GTPBP2: variants seen among roughly 807,000 people sequenced by gnomAD.
GTPBP2 encodes GTP-binding protein 2.
In GTPBP2, 32 loss-of-function variants were observed where a neutral mutation model predicts 63.0. The ratio of observed to expected loss-of-function variants is 0.51; its 90% confidence interval spans 0.38 to 0.68. The LOEUF (loss-of-function observed/expected upper bound fraction) is 0.68, where lower values mean the gene tolerates loss of function less well. Ranked by LOEUF, GTPBP2 falls within the 30% of genes least tolerant of loss-of-function variation. The probability of loss-of-function intolerance (pLI) is 0.00; values close to 1 mark genes in which losing one functional copy is unlikely to be tolerated. For synonymous variants in GTPBP2, 310 were observed against 322.6 expected (o/e 0.96, Z 0.42); for missense variants, 492 against 796.9 (o/e 0.62, Z 4.61).
chr6:43,623,107 T>C (rs1768932290), intron 9 of GTPBP2: 1 of 345,826 alleles, frequency 2.9e-6, no homozygotes, highest in African/African-American at 2.1e-5. Context: ...TGCAGAGTCT[T>C]AGGCCAGCCG....
rs748626440 is a variant in GTPBP2 at position 43,626,438 on chromosome 6, G to A, written c.214-28C>T. The A allele has an allele frequency of 1.3e-6, 2 of 1,593,808 alleles. No individual in the cohort carries two copies. Among genetic ancestry groups the A allele is most frequent in the Admixed American group, 1.7e-5 (1 of 59,822 alleles). ...TAGGGCAAGTGGGGTATCATAAGGT[G>A]AAATCAGAGGTGTTCCTCCCAAACC... On this transcript the variant is annotated intron_variant, in intron 2 of 11. Transcript: ENST00000307126. The surrounding 1 kb of genome is among the most constrained non-coding windows in gnomAD (Gnocchi z 4.0).
Position 43,621,273 on chromosome 6 carries a change from G to T in GTPBP2, c.*341C>A. 1.9e-6 allele frequency: 1 copy of T among 534,494 alleles called. No homozygotes were observed. Among genetic ancestry groups the T allele is most frequent in the Non-Finnish European group, 3.3e-6 (1 of 300,594 alleles). The allele number at this position is 534,494 out of a possible 1,614,324, so 33.1% of individuals were successfully genotyped here. On this transcript the variant is annotated 3_prime_UTR_variant, in exon 12 of 12. Coordinates refer to ENST00000307126, the MANE Select transcript of GTPBP2 (RefSeq NM_019096.5). Reference sequence around the variant, plus strand: ...TTCCTGAAGTGCAGAGACCACACCAGCAAAACATGCCCAGTCTTAGTAGTG... The same window carrying T: ...TTCCTGAAGTGCAGAGACCACACCATCAAAACATGCCCAGTCTTAGTAGTG...
In GTPBP2 at chr6:43,629,091, G is replaced by A. The variant is rs1240424478; in HGVS notation, c.72C>T (p.Thr24=). The part of the protein sequence containing the change: ...RPGGGPAVGG[T]LKARGAGSSS... ...TGCTGCCGGCCCCCCTAGCCTTGAG[G>A]GTTCCGCCCACGGCCGGGCCCCCTC... Residue 24 remains threonine (T), a synonymous_variant, in exon 1 of 12, where the codon ACC becomes ACT. Coordinates refer to ENST00000307126, the MANE Select transcript of GTPBP2 (RefSeq NM_019096.5). The A allele has an allele frequency of 6.3e-6, 10 of 1,584,428 alleles. No individual in the cohort carries two copies. The African/African-American group carries it at 9.5e-5, about 15-fold the overall frequency.
upstream of GTPBP2, chr6:43,629,615 GC>G (rs902426824): frequency 6.6e-6 from 6 of 913,000 alleles, no homozygotes; most frequent in Admixed American, 2.0e-5. Flanking sequence ...TCAGAATCGA[GC>G]TTTGTGGGCG....
chr6:43,629,494 T>C, upstream of GTPBP2: 2 of 604,606 alleles, frequency 3.3e-6, no homozygotes, highest in Non-Finnish European at 5.9e-6. Context: ...AAGGGAGCTG[T>C]AGTCTGACTT....
At position 43,622,719 on chromosome 6, in the gene GTPBP2, G is replaced by A. The variant is rs775271288; in HGVS notation, c.1381C>T (p.Arg461Cys). ...FLELRVCSIQ[R>C]NRSACRVLRA... ...AGCACACGACAGGCAGAGCGGTTGCGCTGGATGCTGCATACTCTCAGCTCC... is the reference window on the plus strand; with the variant it reads ...AGCACACGACAGGCAGAGCGGTTGCACTGGATGCTGCATACTCTCAGCTCC... Residue 461 changes from arginine (R) to cysteine (C), a missense_variant, in exon 10 of 12, where the codon CGC (arginine) becomes TGC (cysteine). Around this residue, in one of 2 missense-constraint regions of GTPBP2, gnomAD observed 400 missense variants for 710.8 expected, o/e 0.56. Coordinates refer to ENST00000307126, the MANE Select transcript of GTPBP2 (RefSeq NM_019096.5). This position sits in a 1 kb window ranked among gnomAD's most constrained non-coding sequence, Gnocchi z 5.4. 3 of 1,614,070 alleles carry A rather than the reference G, an allele frequency of 1.9e-6. No individual in the cohort carries two copies. Among genetic ancestry groups the A allele is most frequent in the Non-Finnish European group, 1.7e-6 (2 of 1,179,940 alleles).
intron 1 of GTPBP2, chr6:43,628,430 G>T: frequency 2.8e-6 from 1 of 361,288 alleles, no homozygotes; most frequent in Non-Finnish European, 3.9e-6. Flanking sequence ...CAATCCGGGT[G>T]ATTCGATACA....
Position 43,626,941 on chromosome 6 carries a change from T to C in GTPBP2, c.194A>G (p.Asp65Gly), listed in dbSNP as rs1430770665. The C allele has an allele frequency of 6.2e-7, 1 of 1,613,020 alleles. No homozygotes were observed. Among genetic ancestry groups the C allele is most frequent in the Non-Finnish European group, 8.5e-7 (1 of 1,179,058 alleles). ...NPPYLPPEAE[D>G]GNIEYKLKLV... Reference sequence around the variant, plus strand: ...ACTCACTTTATATTCAATGTTTCCATCTTCAGCCTGAAAAGAAACAGTGAG... The same window carrying C: ...ACTCACTTTATATTCAATGTTTCCACCTTCAGCCTGAAAAGAAACAGTGAG... The change falls in exon 2 of 12, where the codon GAT (aspartate) becomes GGT (glycine). Residue 65 changes from aspartate (D) to glycine (G), a missense_variant. Physicochemically the swap from Asp to Gly is moderately conservative, Grantham distance 94. Transcript: ENST00000307126. The surrounding 1 kb of genome is among the most constrained non-coding windows in gnomAD (Gnocchi z 4.0).
At position 43,621,535 on chromosome 6, in the gene GTPBP2, G is replaced by A. The variant is rs773659973; in HGVS notation, c.*79C>T. On this transcript the variant is annotated 3_prime_UTR_variant, in exon 12 of 12. Transcript: ENST00000307126. Reference sequence around the variant, plus strand: ...CCCTAGCCTATTAACACACAGAGCCGCCAATGGCAGGGCAGCATGGCCAGA... The same window carrying A: ...CCCTAGCCTATTAACACACAGAGCCACCAATGGCAGGGCAGCATGGCCAGA... 3.6e-5 allele frequency: 58 copies of A among 1,607,620 alleles called. No homozygotes were observed. The highest frequency in any genetic ancestry group is 8.0e-5 in the African/African-American group (6 of 74,798).
Position 43,625,915 on chromosome 6 carries a change from C to T in GTPBP2, c.399-51G>A. The T allele has an allele frequency of 7.0e-7, 1 of 1,435,098 alleles. No homozygotes were observed. Among genetic ancestry groups the T allele is most frequent in the Non-Finnish European group, 9.8e-7 (1 of 1,017,264 alleles). The allele number at this position is 1,435,098 out of a possible 1,614,324, so 88.9% of individuals were successfully genotyped here. ...ATATCTCACCTGTCCTTCTCCTATT[C>T]CAGGCTCGCTCTGGACCTACAGACT... On this transcript the variant is annotated intron_variant, in intron 3 of 11. Coordinates refer to ENST00000307126, the MANE Select transcript of GTPBP2 (RefSeq NM_019096.5). This position sits in a 1 kb window ranked among gnomAD's most constrained non-coding sequence, Gnocchi z 5.1.
chr6:43,623,940 T>TC lies in GTPBP2; in HGVS notation c.1228dup (p.Glu410GlyfsTer6). On this transcript the variant is annotated frameshift_variant, in exon 8 of 12. Transcript: ENST00000307126. LOFTEE classifies it high-confidence loss of function. ...GTTTGGGCAGTCAACTACCTGGAAC[T>TC]CCGTCAGCTGCTGCATGAGTTCCTC... 1.2e-6 allele frequency: 2 copies of TC among 1,614,068 alleles called. No individual in the cohort carries two copies. Among genetic ancestry groups the TC allele is most frequent in the Non-Finnish European group, 1.7e-6 (2 of 1,179,932 alleles).
In GTPBP2 at chr6:43,622,843, G is replaced by A; in HGVS notation, c.1296-39C>T. ...GGCAGGTGGCACAGTGTCAGCCAAG[G>A]TCCCCATACCTACTTCTCTATTAGG... is the stretch of plus-strand genomic sequence containing the variant. On this transcript the variant is annotated intron_variant, in intron 9 of 11. Transcript: ENST00000307126. The surrounding 1 kb of genome is among the most constrained non-coding windows in gnomAD (Gnocchi z 5.4). 2 of 1,512,678 alleles carry A rather than the reference G, an allele frequency of 1.3e-6. No homozygotes were observed. The highest frequency in any genetic ancestry group is 1.8e-5 in the Admixed American group (1 of 54,632). The allele number at this position is 1,512,678 out of a possible 1,614,324, so 93.7% of individuals were successfully genotyped here.
upstream of GTPBP2, among the ~76,000 whole-genome samples, chr6:43,630,557 A>G (rs1288664927): frequency 6.6e-6 from 1 of 152,164 alleles, no homozygotes; most frequent in Non-Finnish European, 1.5e-5. Context: ...AGCCTGGCCA[A>G]CACAGCGAAA....
intron 9 of GTPBP2, chr6:43,623,329 G>A: frequency 5.4e-6 from 1 of 185,474 alleles, no homozygotes; most frequent in South Asian, 1.2e-4. Flanking sequence ...GGCAGAGGTT[G>A]CAGTGAGCCA....
rs747774295 is a variant in GTPBP2, at chr6:43,625,759, T to C, written c.504A>G (p.Gln168=). The change falls in exon 4 of 12, where the codon CAA becomes CAG. Residue 168 remains glutamine (Q), a synonymous_variant. Coordinates refer to ENST00000307126, the MANE Select transcript of GTPBP2 (RefSeq NM_019096.5). This position sits in a 1 kb window ranked among gnomAD's most constrained non-coding sequence, Gnocchi z 5.1. ...ACAGGGATGGGTGTGTGCTCACCTGTTGGTTGTCAGGGACCTTTCGTACTA... is the reference window on the plus strand; with the variant it reads ...ACAGGGATGGGTGTGTGCTCACCTGCTGGTTGTCAGGGACCTTTCGTACTA... ...EVLVRKVPDN[Q]QFLDLRVAVL... The C allele has an allele frequency of 6.2e-7, 1 of 1,607,820 alleles. No individual in the cohort carries two copies. Among genetic ancestry groups the C allele is most frequent in the South Asian group, 1.1e-5 (1 of 90,976 alleles).
In GTPBP2 at chr6:43,623,723, G is replaced by A; in HGVS notation, c.1295+14C>T. ...GAGGGCTGAGTGGGGAGGGTAGCAAGCAAGACAATTTACCTGGAAAGTGTT... is the reference window on the plus strand; with the variant it reads ...GAGGGCTGAGTGGGGAGGGTAGCAAACAAGACAATTTACCTGGAAAGTGTT... On this transcript the variant is annotated intron_variant, in intron 9 of 11. Coordinates refer to ENST00000307126, the MANE Select transcript of GTPBP2 (RefSeq NM_019096.5). 2 of 1,599,784 alleles carry A rather than the reference G, an allele frequency of 1.3e-6. No homozygotes were observed. The highest frequency in any genetic ancestry group is 1.7e-6 in the Non-Finnish European group (2 of 1,166,932).
Position 43,621,385 on chromosome 6 carries a change from C to T in GTPBP2, c.*229G>A. 2 of 1,512,346 alleles carry T rather than the reference C, an allele frequency of 1.3e-6. No individual in the cohort carries two copies. The highest frequency in any genetic ancestry group is 1.8e-6 in the Non-Finnish European group (2 of 1,121,756). The allele number at this position is 1,512,346 out of a possible 1,614,324, so 93.7% of individuals were successfully genotyped here. On this transcript the variant is annotated 3_prime_UTR_variant, in exon 12 of 12. Transcript: ENST00000307126. Reference sequence around the variant, plus strand: ...GTTTGATGAGCCAACCAGGTGAGCACACAGCTTCGGAGCACTGCCCTGAAT... The same window carrying T: ...GTTTGATGAGCCAACCAGGTGAGCATACAGCTTCGGAGCACTGCCCTGAAT...
rs1409355742 is a variant in GTPBP2 at position 43,621,983 on chromosome 6, G to A, written c.1632+20C>T. The A allele has an allele frequency of 3.7e-6, 6 of 1,613,750 alleles. No homozygotes were observed. The highest frequency in any genetic ancestry group is 5.1e-6 in the Non-Finnish European group (6 of 1,179,620). On this transcript the variant is annotated intron_variant, in intron 11 of 11. Transcript: ENST00000307126. ...CTCTTTTCTGACCTCTGGAGAAATG[G>A]AAGGCCAGGTCCCTCTCACCTTGGC...
rs551301190 is a variant in GTPBP2 at position 43,629,136 on chromosome 6, G to C, written c.27C>G (p.Phe9Leu). 1.4e-6 allele frequency: 2 copies of C among 1,402,720 alleles called. No individual in the cohort carries two copies. Among genetic ancestry groups the C allele is most frequent in the African/African-American group, 3.1e-5 (2 of 65,014 alleles). The allele number at this position is 1,402,720 out of a possible 1,614,324, so 86.9% of individuals were successfully genotyped here. The change falls in exon 1 of 12, where the codon TTC becomes TTG. Residue 9 changes from phenylalanine (F) to leucine (L), a missense_variant. Physicochemically the swap from Phe to Leu is conservative, Grantham distance 22. Around this residue, in one of 2 missense-constraint regions of GTPBP2, gnomAD observed 92 missense variants for 86.1 expected, o/e 1.07. Coordinates refer to ENST00000307126, the MANE Select transcript of GTPBP2 (RefSeq NM_019096.5). ...CCCCTCCGGGCCGGCAGCAGCCGCC[G>C]AACAGCTCCGATACCCGCGAGTCCA... MDSRVSEL[F>L]GGCCRPGGGP...
Sources: allele counts gnomAD v4.1 joint callset (sites outside exome capture counted in the v4.1 genomes callset), GRCh38; gene constraint gnomAD v4.1.1; regional missense constraint gnomAD v4.1.1; non-coding constraint Gnocchi (gnomAD v3.1); transcripts MANE v1.5; gene names NCBI Gene and HGNC (gene_info 2026-07-23, HGNC 2026-07-21).